FAM149A: variants seen among roughly 807,000 people sequenced by gnomAD.
The protein encoded by FAM149A is protein FAM149A.
A neutral mutation model predicts 78.2 loss-of-function variants in FAM149A; 71 were observed. The ratio of observed to expected loss-of-function variants is 0.91; its 90% CI spans 0.75 to 1.11. FAM149A has a LOEUF of 1.11. Ranked by LOEUF, FAM149A falls within the 50% of genes least tolerant of loss-of-function variation. The pLI is 0.00. For synonymous variants in FAM149A, 446 were observed against 410.5 expected (o/e 1.09, Z -1.04); for missense variants, 1,036 against 971.0 (o/e 1.07, Z -0.89).
chr4:186,147,307 C>T (rs1274201064), intron 1 of FAM149A, among the ~76,000 whole-genome samples: 1 of 152,172 alleles, frequency 6.6e-6, no homozygotes, highest in Non-Finnish European at 1.5e-5. Flanking sequence ...TAACTTGAGG[C>T]CTGGAGGTCG....
intron 1 of FAM149A, among the ~76,000 whole-genome samples, chr4:186,119,009 T>C (rs1379105824): frequency 1.3e-5 from 2 of 152,194 alleles, no homozygotes; most frequent in African/African-American, 2.4e-5. Context: ...GTGAAAATGC[T>C]AGGGAAAAAA....
At chr4:186,106,803 C>G (rs113418450) in intron 1 of FAM149A, among the ~76,000 whole-genome samples, 1 of 151,950 alleles carries the variant, frequency 6.6e-6, no homozygotes, top group African/African-American at 2.4e-5. Context: ...AAAAATTAGC[C>G]GGGCGTGGTG....
chr4:186,148,291 G>C (rs148738011), intron 1 of FAM149A, among the ~76,000 whole-genome samples: 51 of 152,262 alleles, frequency 3.3e-4, no homozygotes, highest in African/African-American at 1.2e-3. Flanking sequence ...CAATTAGGTA[G>C]CCTTATAATC....
intron 1 of FAM149A, chr4:186,125,608 C>G: frequency 2.8e-6 from 2 of 708,226 alleles, no homozygotes; most frequent in South Asian, 1.3e-4. Flanking sequence ...GGAGAGTCAA[C>G]AGCACAGGCT....
At chr4:186,149,489 C>T (rs2126454478) in intron 2 of FAM149A, 77 bp from the exon 3 acceptor site, 1 of 1,246,706 alleles carries the variant, frequency 8.0e-7, no homozygotes, top group East Asian at 5.7e-5. Flanking sequence ...AGGAAGCAGG[C>T]TCAGAAAAGT....
In FAM149A at chr4:186,174,611, G is replaced by C. The variant is rs1177510163; in HGVS notation, c.*2624G>C. ...TATTTATATATATATATTGGTAAAA[G>C]ACAAAATATTTTTTAAAAAGTGATC... On this transcript the variant is annotated 3_prime_UTR_variant, in exon 14 of 14. Coordinates refer to ENST00000389354, the MANE Select transcript of FAM149A (RefSeq NM_001367768.3). 2.7e-5 allele frequency among the ~76,000 whole-genome samples: 3 copies of C among 110,420 alleles called. 1 individual carries two copies. Among genetic ancestry groups the C allele is most frequent in the Non-Finnish European group, 6.8e-5 (3 of 44,032 alleles). The allele number at this position is 110,420 out of a possible 152,430, so 72.4% of individuals were successfully genotyped here. A position where few individuals can be genotyped will look rare whatever the true frequency, so the allele number is the denominator to read the frequency against.
At position 186,123,254 on chromosome 4, in the gene FAM149A, A is replaced by G. The variant is rs968140324; in HGVS notation, c.566+17612A>G. ...TTTTGCAAAATATGGCTGTTTGTAT[A>G]GTTTATTTTTGGCAAAGTATGGTTG... is the stretch of plus-strand genomic sequence containing the variant. On this transcript the variant is annotated intron_variant, in intron 1 of 13. Coordinates refer to ENST00000389354, the MANE Select transcript of FAM149A (RefSeq NM_001367768.3). 7 of 985,224 alleles carry G rather than the reference A, an allele frequency of 7.1e-6. No homozygotes were observed. The African/African-American group carries it at 1.0e-4, about 15-fold the overall frequency. The allele number at this position is 985,224 out of a possible 1,614,324, so 61.0% of individuals were successfully genotyped here.
At position 186,105,476 on chromosome 4, in the gene FAM149A, G is replaced by T. The variant is rs1388275597; in HGVS notation, c.400G>T (p.Gly134Cys). ...CCCAGCGCGGCCGCCCTCGGGCCCC[G>T]GCGGGGTCTGGGCCGCGCTCCCCAG... The change falls in exon 1 of 14, where the codon GGC becomes TGC. Residue 134 changes from glycine (G) to cysteine (C), a missense_variant. Around this residue, in one of 3 missense-constraint regions of FAM149A, gnomAD observed 316 missense variants for 241.9 expected, o/e 1.31. Transcript: ENST00000389354. 8.2e-7 allele frequency: 1 copy of T among 1,212,790 alleles called. No homozygotes were observed. The highest frequency in any genetic ancestry group is 9.2e-5 in the East Asian group (1 of 10,866). The allele number at this position is 1,212,790 out of a possible 1,614,324, so 75.1% of individuals were successfully genotyped here. A position where few individuals can be genotyped will look rare whatever the true frequency, so the allele number is the denominator to read the frequency against.
chr4:186,136,957 TCTCTCTTTCTCTCTCTCTTTC>T (rs2099323134), intron 1 of FAM149A, among the ~76,000 whole-genome samples: 5 of 104,674 alleles, frequency 4.8e-5, no homozygotes, highest in Admixed American at 3.0e-4. Context: ...TCTCTCTCTC[TCTCTCTTTCTCTCTCTCTTTC>T]TCTCTCTCTC....
intron 8 of FAM149A, chr4:186,158,397 G>T: frequency 8.4e-7 from 1 of 1,196,954 alleles, no homozygotes; most frequent in South Asian, 1.7e-5. Flanking sequence ...CAGTGGGCCT[G>T]AAGGGGTGGC....
At position 186,166,965 on chromosome 4, in the gene FAM149A, T is replaced by G. The variant is rs777421615; in HGVS notation, c.2011-3T>G. On this transcript the variant is annotated splice_region_variant and splice_polypyrimidine_tract_variant and intron_variant, in intron 11 of 13. Transcript: ENST00000389354. The stretch of plus-strand genomic sequence containing the variant: ...AAACAAGAACATACTATCCTTCATT[T>G]AGTACAGAGGAAGGCATCTACAAAA... The G allele has an allele frequency of 6.2e-7, 1 of 1,612,554 alleles. No homozygotes were observed.
rs1226203468 is a variant in FAM149A at position 186,144,349 on chromosome 4, G to C, written c.567-4824G>C. 6.6e-6 allele frequency: 1 copy of C among 152,288 alleles called. No individual in the cohort carries two copies. Among genetic ancestry groups the C allele is most frequent in the African/African-American group, 2.4e-5 (1 of 41,450 alleles). The allele number at this position is 152,288 out of a possible 1,614,324, so 9.4% of individuals were successfully genotyped here. ...TGTGAGCCGGTAGGGCAGGACGGGC[G>C]TGGAAGGGTCCACGTCTTTAGTATG... On this transcript the variant is annotated intron_variant, in intron 1 of 13. Transcript: ENST00000389354. This position sits in a 1 kb window ranked among gnomAD's most constrained non-coding sequence, Gnocchi z 4.2.
chr4:186,113,814 G>C (rs1284382385), intron 1 of FAM149A, among the ~76,000 whole-genome samples: 2 of 150,292 alleles, frequency 1.3e-5, no homozygotes, highest in Non-Finnish European at 3.0e-5. Flanking sequence ...TTACTTCCAA[G>C]TATGTGGTCA....
chr4:186,132,131 A>C (rs969078377), intron 1 of FAM149A: 1 of 985,458 alleles, frequency 1.0e-6, no homozygotes. Flanking sequence ...TAATCATTTG[A>C]CAAATTACCT....
At chr4:186,118,892 A>T (rs569904432) in intron 1 of FAM149A, among the ~76,000 whole-genome samples, 1 of 151,790 alleles carries the variant, frequency 6.6e-6, no homozygotes, top group South Asian at 2.1e-4. Flanking sequence ...TGTAAGTTTC[A>T]GTTTTGTTTT....
At chr4:186,120,302 C>T (rs1438204556) in intron 1 of FAM149A, among the ~76,000 whole-genome samples, 1 of 152,072 alleles carries the variant, frequency 6.6e-6, no homozygotes, top group African/African-American at 2.4e-5. Flanking sequence ...TCTAATTCCA[C>T]CTAGCTGCTA....
At chr4:186,150,675 T>C (rs1369693052) in intron 3 of FAM149A, among the ~76,000 whole-genome samples, 1 of 148,350 alleles carries the variant, frequency 6.7e-6, no homozygotes, top group African/African-American at 2.5e-5. Flanking sequence ...CGTCTCGGCC[T>C]CCCAAAGTGC....
At chr4:186,106,253 C>T (rs992463101) in intron 1 of FAM149A, among the ~76,000 whole-genome samples, 16 of 152,112 alleles carry the variant, frequency 1.1e-4, no homozygotes, top group African/African-American at 3.9e-4. Context: ...ACTGCAGAAA[C>T]GTTGACTTCA....
At position 186,105,139 on chromosome 4, in the gene FAM149A, G is replaced by A. The variant is rs1317047457; in HGVS notation, c.63G>A (p.Ala21=). The change falls in exon 1 of 14, where the codon GCG becomes GCA. Residue 21 remains alanine, a synonymous_variant. Coordinates refer to ENST00000389354, the MANE Select transcript of FAM149A (RefSeq NM_001367768.3). ...CCAAACTCTTCGAGACCTCGACGGC[G>A]CCCCCCGCAGGCCCCTCCTCCAGAC... 6 of 1,279,890 alleles carry A rather than the reference G, an allele frequency of 4.7e-6. No homozygotes were observed. The highest frequency in any genetic ancestry group is 6.1e-6 in the Non-Finnish European group (6 of 984,806). 79.3% of individuals were successfully genotyped at this position (1,279,890 alleles called of 1,614,324 possible).
Sources: gnomAD v4.1 joint callset for allele counts (sites outside exome capture counted in the v4.1 genomes callset) on GRCh38, gnomAD v4.1.1 for gene constraint, gnomAD v4.1.1 regional missense constraint, Gnocchi (gnomAD v3.1) non-coding constraint, MANE v1.5 for transcripts, NCBI Gene and HGNC (gene_info 2026-07-23, HGNC 2026-07-21) for gene names.